The following DSCAM variants were observed in gnomAD, a reference collection of about 807,000 sequenced individuals.
The protein encoded by DSCAM is DS cell adhesion molecule.
A neutral mutation model predicts 217.7 loss-of-function variants in DSCAM; 47 were observed. The ratio of observed to expected loss-of-function variants is 0.22; its 90% confidence interval spans 0.17 to 0.28. The LOEUF (loss-of-function observed/expected upper bound fraction) is 0.28. Ranked by LOEUF, DSCAM falls within the 10% of genes least tolerant of loss-of-function variation. DSCAM has a pLI of 1.00. For missense variants in DSCAM, 2,080 were observed against 2,618.3 expected, an observed-to-expected ratio of 0.79 and a Z score of 4.49; for synonymous variants, 1,056 against 1,015.3, an observed-to-expected ratio of 1.04 and a Z score of -0.76.
intron 11 of DSCAM, among the ~76,000 whole-genome samples, chr21:40,221,526 T>C (rs1019525595): frequency 1.3e-5 from 2 of 150,734 alleles, no homozygotes; most frequent in Non-Finnish European, 3.0e-5. Flanking sequence ...ATCATAAGAT[T>C]GTTTTGTATC....
chr21:40,216,631 T>G (rs1027006927), intron 11 of DSCAM, among the ~76,000 whole-genome samples: 1 of 152,210 alleles, frequency 6.6e-6, no homozygotes, highest in Non-Finnish European at 1.5e-5. Flanking sequence ...CTGTTTAAAC[T>G]AGATTTATGC....
At chr21:40,636,310 T>A (rs2089757765) in intron 3 of DSCAM, among the ~76,000 whole-genome samples, 1 of 151,882 alleles carries the variant, frequency 6.6e-6, no homozygotes, top group Non-Finnish European at 1.5e-5. Flanking sequence ...AATGAAGATT[T>A]TAAAAATACA....
chr21:40,467,906 A>C (rs966812892), intron 3 of DSCAM, among the ~76,000 whole-genome samples: 2 of 150,320 alleles, frequency 1.3e-5, no homozygotes, highest in Admixed American at 1.3e-4. Flanking sequence ...TTTATTCCAA[A>C]ATAAGATAGC....
chr21:40,741,101 G>GC (rs2091119085), intron 1 of DSCAM, among the ~76,000 whole-genome samples: 1 of 152,162 alleles, frequency 6.6e-6, no homozygotes, highest in Admixed American at 6.5e-5. Flanking sequence ...CAGAAAAAGT[G>GC]ACTGGAAATG....
chr21:40,018,941 C>T (rs1601230987), intron 32 of DSCAM, among the ~76,000 whole-genome samples: 1 of 152,282 alleles, frequency 6.6e-6, no homozygotes, highest in Non-Finnish European at 1.5e-5. Flanking sequence ...TAATTAGCTC[C>T]CTTCAACAAT....
rs2073221285 is a variant in DSCAM, at chr21:40,246,183, G to C, written c.2356+29914C>G. ...TGTTCAGAGAGCCTGAGTGAACATG[G>C]GCAAGAATCCCATACTCACTTCCTA... On this transcript the variant is annotated intron_variant, in intron 11 of 32. Transcript: ENST00000400454. 2.0e-5 allele frequency among the ~76,000 whole-genome samples: 3 copies of C among 151,240 alleles called. No individual in the cohort carries two copies. In the South Asian group the frequency reaches 6.3e-4, roughly 32 times the overall value.
chr21:40,078,862 C>T lies in DSCAM; in HGVS notation c.4536G>A (p.Glu1512=). The change falls in exon 26 of 33, where the codon GAG becomes GAA. Residue 1512 remains glutamate, a synonymous_variant. Coordinates refer to ENST00000400454, the MANE Select transcript of DSCAM (RefSeq NM_001389.5). ...GGCPITSFTL[E]YRPFGTTVWT... ...AAACTGTGGTCCCAAAGGGCCTGTA[C>T]TCTAGTGTGAAGGAGGTGATGGGGC... 2 of 1,614,220 alleles carry T rather than the reference C, an allele frequency of 1.2e-6. No individual in the cohort carries two copies. Among genetic ancestry groups the T allele is most frequent in the Non-Finnish European group, 1.7e-6 (2 of 1,180,046 alleles).
At chr21:40,756,976 CGTGTGTGT>C (rs1555886227) in intron 1 of DSCAM, among the ~76,000 whole-genome samples, 1 of 149,604 alleles carries the variant, frequency 6.7e-6, no homozygotes, top group South Asian at 2.1e-4. Flanking sequence ...AACAAATGGT[CGTGTGTGT>C]GTGTGTGTGT....
chr21:40,179,527 A>C (rs2090775912), intron 14 of DSCAM, among the ~76,000 whole-genome samples: 2 of 152,316 alleles, frequency 1.3e-5, no homozygotes, highest in South Asian at 2.1e-4. Context: ...GGGCCCCCCC[A>C]AAATCCCTGG....
At chr21:40,147,242 C>T (rs965044554) in intron 16 of DSCAM, among the ~76,000 whole-genome samples, 1 of 152,150 alleles carries the variant, frequency 6.6e-6, no homozygotes, top group Non-Finnish European at 1.5e-5. Context: ...TTTCATAGAG[C>T]CACCAATTTA....
chr21:40,719,266 T>C (rs777721347), intron 1 of DSCAM, among the ~76,000 whole-genome samples: 1 of 152,226 alleles, frequency 6.6e-6, no homozygotes, highest in Non-Finnish European at 1.5e-5. Context: ...GGGGTACTAC[T>C]ACACATCCAC....
chr21:40,354,193 A>G (rs1162600036), intron 4 of DSCAM, among the ~76,000 whole-genome samples: 4 of 152,236 alleles, frequency 2.6e-5, no homozygotes, highest in African/African-American at 9.6e-5. Context: ...ATATTTCAAA[A>G]TAGCTAAAAC....
At chr21:40,538,966 A>G (rs932524541) in intron 3 of DSCAM, among the ~76,000 whole-genome samples, 12 of 152,224 alleles carry the variant, frequency 7.9e-5, no homozygotes, top group Non-Finnish European at 1.8e-4. Flanking sequence ...TAAAATGAAG[A>G]GAAAAACGTG....
At chr21:40,167,908 C>CA (rs2090615126) in intron 15 of DSCAM, among the ~76,000 whole-genome samples, 1 of 152,144 alleles carries the variant, frequency 6.6e-6, no homozygotes, top group Middle Eastern at 3.4e-3. Context: ...TACTAAAATA[C>CA]AAAAAATTAG....
chr21:40,043,454 G>C (rs758489867), intron 31 of DSCAM, among the ~76,000 whole-genome samples: 2 of 152,164 alleles, frequency 1.3e-5, no homozygotes, highest in Non-Finnish European at 2.9e-5. Flanking sequence ...AGAAAAATGA[G>C]TATTAAAATT....
At chr21:40,463,268 C>T (rs2075819847) in intron 3 of DSCAM, among the ~76,000 whole-genome samples, 1 of 151,652 alleles carries the variant, frequency 6.6e-6, no homozygotes, top group Non-Finnish European at 1.5e-5. Context: ...AAAAATAAAC[C>T]CCAAATGCCT....
chr21:40,297,395 T>A (rs1857772192), intron 9 of DSCAM, among the ~76,000 whole-genome samples: 1 of 152,214 alleles, frequency 6.6e-6, no homozygotes. Flanking sequence ...GGGTAGACTT[T>A]CAGTGAGGCA....
At chr21:40,640,728 G>A (rs752097138) in intron 3 of DSCAM, among the ~76,000 whole-genome samples, 3 of 152,170 alleles carry the variant, frequency 2.0e-5, no homozygotes, top group Non-Finnish European at 2.9e-5. Context: ...TCAATCTGCC[G>A]TTAGTAATTT....
At chr21:40,212,319 G>C (rs886858161) in intron 11 of DSCAM, 6 of 154,264 alleles carry the variant, frequency 3.9e-5, no homozygotes, top group Non-Finnish European at 7.3e-5. Flanking sequence ...AAGGCATAGA[G>C]AACAACACAG....
Sources: gnomAD v4.1 joint callset for allele counts (sites outside exome capture counted in the v4.1 genomes callset) on GRCh38, gnomAD v4.1.1 for gene constraint, MANE v1.5 for transcripts, NCBI Gene and HGNC (gene_info 2026-07-23, HGNC 2026-07-21) for gene names.